The following IL12RB2 variants were observed in gnomAD, a reference collection of about 807,000 sequenced individuals.
IL12RB2 encodes interleukin 12 receptor subunit beta 2, also known as interleukin-12 receptor subunit beta-2.
In IL12RB2, 82 loss-of-function variants were observed where a neutral mutation model predicts 89.4. The observed-to-expected ratio is 0.92, with a 90% confidence interval of 0.77 to 1.10. The LOEUF (loss-of-function observed/expected upper bound fraction) is 1.10. Among genes scored for constraint, IL12RB2 ranks in the 50% least tolerant of loss-of-function variants. The pLI, the probability that IL12RB2 is intolerant of heterozygous loss-of-function variation, is 0.00. For synonymous variants in IL12RB2, 368 were observed against 370.1 expected (o/e 0.99, Z 0.07); for missense variants, 963 against 1,031.9 (o/e 0.93, Z 0.92).
chr1:67,378,072 G>C (rs1664167417), intron 13 of IL12RB2, among the ~76,000 whole-genome samples: 2 of 152,122 alleles, frequency 1.3e-5, no homozygotes, highest in African/African-American at 4.8e-5. Context: ...AACTGAGATT[G>C]TGCCATTGCA....
In IL12RB2 at chr1:67,342,761, C is replaced by CTTTTTTTTTTT. The variant is rs71062413; in HGVS notation, c.1038+4064_1038+4074dup. ...CTTGTACTACTTTTTAAAATCACAC[C>CTTTTTTTTTTT]TTTTTTTTTTTTTTTTGAGACAGGG... On this transcript the variant is annotated intron_variant, in intron 9 of 16. Transcript: ENST00000674203. Among the ~76,000 whole-genome samples the CTTTTTTTTTTT allele has an allele frequency of 2.9e-5, 4 of 137,168 alleles. 2 individuals carry two copies. Among genetic ancestry groups the CTTTTTTTTTTT allele is most frequent in the Non-Finnish European group, 3.1e-5 (2 of 63,968 alleles). The allele number at this position is 137,168 out of a possible 152,430, so 90.0% of individuals were successfully genotyped here. A position where few individuals can be genotyped will look rare whatever the true frequency, so the allele number is the denominator to read the frequency against.
chr1:67,348,962 A>G (rs1660529929), intron 9 of IL12RB2, among the ~76,000 whole-genome samples: 1 of 152,152 alleles, frequency 6.6e-6, no homozygotes, highest in Non-Finnish European at 1.5e-5. Flanking sequence ...TTTCAACTCT[A>G]AAATATGGGA....
At chr1:67,371,346 G>A (rs753452040) in intron 11 of IL12RB2, among the ~76,000 whole-genome samples, 5 of 151,792 alleles carry the variant, frequency 3.3e-5, no homozygotes, top group African/African-American at 4.8e-5. Context: ...AATATTTAAT[G>A]AGCAATGGAT....
chr1:67,342,761 C>CTTTTTTTTT lies in IL12RB2; in HGVS notation c.1038+4066_1038+4074dup, dbSNP rs71062413. On this transcript the variant is annotated intron_variant, in intron 9 of 16. Coordinates refer to ENST00000674203, the MANE Select transcript of IL12RB2 (RefSeq NM_001374259.2). ...CTTGTACTACTTTTTAAAATCACAC[C>CTTTTTTTTT]TTTTTTTTTTTTTTTTGAGACAGGG... 9.5e-5 allele frequency among the ~76,000 whole-genome samples: 13 copies of CTTTTTTTTT among 137,168 alleles called. 4 individuals carry two copies. Among genetic ancestry groups the CTTTTTTTTT allele is most frequent in the Non-Finnish European group, 7.8e-5 (5 of 63,968 alleles). The allele number at this position is 137,168 out of a possible 152,430, so 90.0% of individuals were successfully genotyped here. A position where few individuals can be genotyped will look rare whatever the true frequency, so the allele number is the denominator to read the frequency against.
chr1:67,328,105 G>A (rs1389402708), intron 5 of IL12RB2, 95 bp from the exon 6 acceptor site: 1 of 929,088 alleles, frequency 1.1e-6, no homozygotes, highest in African/African-American at 1.6e-5. Flanking sequence ...AAATTGTCTA[G>A]AATTCTAAAT....
rs777459945 is a variant in IL12RB2, at chr1:67,372,422, C to T, written c.1460-14C>T. ...AATGGCACGGCTGTTATGGGAATTC[C>T]CTTTTCCTTGCAGAGAACATAAAAT... On this transcript the variant is annotated splice_polypyrimidine_tract_variant and intron_variant, in intron 11 of 16. Transcript: ENST00000674203. The T allele has an allele frequency of 2.1e-6, 3 of 1,410,964 alleles. No homozygotes were observed. The highest frequency in any genetic ancestry group is 3.0e-6 in the Non-Finnish European group (3 of 994,524). 87.4% of individuals were successfully genotyped at this position (1,410,964 alleles called of 1,614,324 possible).
At chr1:67,335,557 G>A (rs188088096) in intron 8 of IL12RB2, among the ~76,000 whole-genome samples, 26 of 152,204 alleles carry the variant, frequency 1.7e-4, no homozygotes, top group Admixed American at 1.6e-3. Context: ...ATTTTCATCT[G>A]ACTTCCATTT....
intron 9 of IL12RB2, among the ~76,000 whole-genome samples, chr1:67,344,121 G>A (rs1659960003): frequency 6.6e-6 from 1 of 152,030 alleles, no homozygotes; most frequent in African/African-American, 2.4e-5. Context: ...GGGGAGTGGT[G>A]GGCAAGCAGA....
intron 16 of IL12RB2, 114 bp from the exon 17 acceptor site, chr1:67,395,433 C>T: frequency 6.3e-7 from 1 of 1,595,710 alleles, no homozygotes; most frequent in Non-Finnish European, 8.5e-7. Flanking sequence ...CAACATGTTC[C>T]AGCCAGGGCT....
chr1:67,349,823 A>C (rs1660628583), intron 9 of IL12RB2, among the ~76,000 whole-genome samples: 1 of 152,212 alleles, frequency 6.6e-6, no homozygotes, highest in Non-Finnish European at 1.5e-5. Context: ...CCAGTATGCT[A>C]ATTGTTTCAG....
At chr1:67,389,240 A>T (rs1322666787) in intron 15 of IL12RB2, among the ~76,000 whole-genome samples, 4 of 152,084 alleles carry the variant, frequency 2.6e-5, no homozygotes, top group Non-Finnish European at 5.9e-5. Context: ...TCTCTATGAG[A>T]TCACAGACAC....
chr1:67,347,799 GGT>G (rs1660399188), intron 9 of IL12RB2, among the ~76,000 whole-genome samples: 1 of 152,166 alleles, frequency 6.6e-6, no homozygotes, highest in Admixed American at 6.5e-5. Flanking sequence ...AGGAAAAAGA[GGT>G]GGCAGGTCTT....
chr1:67,395,544 CAGG>C lies in IL12RB2; in HGVS notation c.2047_2049del (p.Glu683del), dbSNP rs774112268. On this transcript the variant is annotated splice_acceptor_variant and coding_sequence_variant, in exon 17 of 17. Coordinates refer to ENST00000674203, the MANE Select transcript of IL12RB2 (RefSeq NM_001374259.2). LOFTEE classifies it high-confidence loss of function. ...TGAGCCTCTTCCTCCTCCTTTCTCT[CAGG>C]AGAAGACACAGCTGCCCTTGGACAG... 2.5e-6 allele frequency: 4 copies of C among 1,614,210 alleles called. No individual in the cohort carries two copies. The highest frequency in any genetic ancestry group is 1.7e-5 in the Admixed American group (1 of 60,018).
intron 4 of IL12RB2, among the ~76,000 whole-genome samples, chr1:67,323,329 C>CCT (rs1422033605): frequency 6.6e-6 from 1 of 152,210 alleles, no homozygotes; most frequent in African/African-American, 2.4e-5. Context: ...GCATTGACAG[C>CCT]CTGCGGTATA....
At chr1:67,314,560 T>A (rs1464081762) in intron 2 of IL12RB2, among the ~76,000 whole-genome samples, 1 of 152,226 alleles carries the variant, frequency 6.6e-6, no homozygotes, top group African/African-American at 2.4e-5. Flanking sequence ...TTCACCTTTT[T>A]CTTTTCCTTA....
At chr1:67,362,522 C>A (rs570097212) in intron 10 of IL12RB2, among the ~76,000 whole-genome samples, 1 of 143,482 alleles carries the variant, frequency 7.0e-6, no homozygotes, top group East Asian at 2.0e-4. Flanking sequence ...GCCGAGATTG[C>A]GCCACTGCAG....
intron 11 of IL12RB2, among the ~76,000 whole-genome samples, chr1:67,370,030 A>AG (rs1397600556): frequency 6.6e-6 from 1 of 151,946 alleles, no homozygotes; most frequent in Admixed American, 6.6e-5. Flanking sequence ...TGAAAAAAAA[A>AG]AAAAAACAAT....
intron 4 of IL12RB2, among the ~76,000 whole-genome samples, chr1:67,326,515 C>A (rs932651937): frequency 6.6e-6 from 1 of 152,192 alleles, no homozygotes; most frequent in African/African-American, 2.4e-5. Flanking sequence ...CTGGGCTAGG[C>A]ATATAGTATT....
chr1:67,311,239 G>A (rs75025649), intron 1 of IL12RB2, among the ~76,000 whole-genome samples: 5,396 of 152,264 alleles, frequency 0.035, 126 homozygotes, highest in Admixed American at 0.065. Flanking sequence ...AATGCCTCTT[G>A]GAGGTAGTAG....
Sources: gnomAD v4.1 joint callset for allele counts (sites outside exome capture counted in the v4.1 genomes callset) on GRCh38, gnomAD v4.1.1 for gene constraint, MANE v1.5 for transcripts, NCBI Gene and HGNC (gene_info 2026-07-23, HGNC 2026-07-21) for gene names.